Variants in TTBK2 observed in about 807,000 individuals in gnomAD.
TTBK2 encodes tau-tubulin kinase 2.
A neutral mutation model predicts 110.8 loss-of-function variants in TTBK2; 28 were observed. That is an observed-to-expected ratio of 0.25 (90% confidence interval 0.19 to 0.35). TTBK2 has a LOEUF of 0.35. Among genes scored for constraint, TTBK2 ranks in the 10% least tolerant of loss-of-function variants. TTBK2 has a pLI of 1.00. For missense variants in TTBK2, 1,369 were observed against 1,500.3 expected (o/e 0.91, Z 1.45); for synonymous variants, 532 against 527.3 (o/e 1.01, Z -0.12).
chr15:42,754,989 TAAGAGTG>T (rs2061926929), intron 13 of TTBK2, among the ~76,000 whole-genome samples: 1 of 87,790 alleles, frequency 1.1e-5, no homozygotes, highest in Non-Finnish European at 2.1e-5. Flanking sequence ...GCCTGGGCAA[TAAGAGTG>T]AAGCTCCATC....
chr15:42,840,677 G>C, intron 3 of TTBK2: 1 of 561,430 alleles, frequency 1.8e-6, no homozygotes, highest in Non-Finnish European at 3.2e-6. Flanking sequence ...ATATGAATGA[G>C]GAAACAAATG....
intron 3 of TTBK2, among the ~76,000 whole-genome samples, chr15:42,851,984 C>A (rs1015977831): frequency 6.6e-6 from 1 of 151,790 alleles, no homozygotes; most frequent in South Asian, 2.1e-4. Flanking sequence ...AAAGTATCAA[C>A]GAGCCTAACA....
intron 2 of TTBK2, among the ~76,000 whole-genome samples, chr15:42,877,133 G>C (rs1894847147): frequency 6.6e-6 from 1 of 152,076 alleles, no homozygotes; most frequent in Non-Finnish European, 1.5e-5. Context: ...TGTCCTTATA[G>C]ATACATTTCA....
At chr15:42,787,929 C>G (rs1357369382) in intron 10 of TTBK2, among the ~76,000 whole-genome samples, 1 of 152,064 alleles carries the variant, frequency 6.6e-6, no homozygotes, top group African/African-American at 2.4e-5. Flanking sequence ...ATTGTATAGC[C>G]TATTACGTGC....
intron 3 of TTBK2, among the ~76,000 whole-genome samples, chr15:42,846,550 A>C (rs1893474127): frequency 6.6e-6 from 1 of 152,194 alleles, no homozygotes; most frequent in Admixed American, 6.5e-5. Context: ...TGTGGAACCC[A>C]CTGACAGGAA....
intron 4 of TTBK2, among the ~76,000 whole-genome samples, chr15:42,832,773 C>A (rs1892815695): frequency 6.6e-6 from 1 of 152,184 alleles, no homozygotes; most frequent in South Asian, 2.1e-4. Context: ...TCCAGCGTAT[C>A]CACATGTTGT....
chr15:42,840,038 T>C (rs1893156383), intron 4 of TTBK2, among the ~76,000 whole-genome samples: 1 of 152,146 alleles, frequency 6.6e-6, no homozygotes, highest in Non-Finnish European at 1.5e-5. Context: ...TACTTTAGAA[T>C]ACAAATGGAA....
intron 4 of TTBK2, among the ~76,000 whole-genome samples, chr15:42,838,564 C>T (rs1893089541): frequency 6.6e-6 from 1 of 152,126 alleles, no homozygotes; most frequent in Admixed American, 6.6e-5. Flanking sequence ...ACCTGTAATC[C>T]TAACGCTTTG....
chr15:42,790,279 T>A (rs1451975093), intron 10 of TTBK2, among the ~76,000 whole-genome samples: 1 of 133,430 alleles, frequency 7.5e-6, no homozygotes, highest in Non-Finnish European at 1.6e-5. Context: ...CAAGATGTAT[T>A]CTTTGTCTAT....
chr15:42,865,513 T>TAAAAA (rs60116704), intron 3 of TTBK2, among the ~76,000 whole-genome samples: 33 of 109,272 alleles, frequency 3.0e-4, no homozygotes, highest in African/African-American at 1.1e-3. Context: ...ATAATAATAC[T>TAAAAA]AAAAAAAAAA....
At chr15:42,861,321 T>A (rs1244979371) in intron 3 of TTBK2, among the ~76,000 whole-genome samples, 1 of 152,176 alleles carries the variant, frequency 6.6e-6, no homozygotes, top group East Asian at 1.9e-4. Flanking sequence ...TATCTGCACA[T>A]GGAACATATT....
intron 1 of TTBK2, among the ~76,000 whole-genome samples, chr15:42,898,562 T>A (rs889548076): frequency 6.6e-6 from 1 of 151,598 alleles, no homozygotes; most frequent in African/African-American, 2.4e-5. Flanking sequence ...AGAGTCATAA[T>A]AACTTAAACT....
intron 1 of TTBK2, among the ~76,000 whole-genome samples, chr15:42,913,738 C>T (rs1358845251): frequency 6.6e-6 from 1 of 152,180 alleles, no homozygotes; most frequent in Non-Finnish European, 1.5e-5. Flanking sequence ...GGCTACCATA[C>T]TAGCAACACA....
rs150063729 is a variant in TTBK2 at position 42,782,820 on chromosome 15, C to A, written c.1197+599G>T. On this transcript the variant is annotated intron_variant, in intron 11 of 14. Coordinates refer to ENST00000267890, the MANE Select transcript of TTBK2 (RefSeq NM_173500.4). ...AACTAAGATCTTCCATGTCAAGCGC[C>A]ACTTCATTCTCTCGCATACACGGAT... Among the ~76,000 whole-genome samples the A allele has an allele frequency of 3.0e-3, 459 of 152,210 alleles. 1 individual carries two copies. The highest frequency in any genetic ancestry group is 4.8e-3 in the Non-Finnish European group (327 of 68,012).
At chr15:42,872,576 C>A in intron 3 of TTBK2, 35 bp downstream of exon 3, 1 of 1,607,272 alleles carries the variant, frequency 6.2e-7, no homozygotes, top group Non-Finnish European at 8.5e-7. Flanking sequence ...AATTAACATA[C>A]AAATCATAAA....
At chr15:42,900,149 C>T (rs553768454) in intron 1 of TTBK2, among the ~76,000 whole-genome samples, 2 of 151,452 alleles carry the variant, frequency 1.3e-5, no homozygotes, top group African/African-American at 2.4e-5. Flanking sequence ...CCCACCACCA[C>T]GCCCGGCCAA....
chr15:42,914,114 C>T (rs1005460705), intron 1 of TTBK2, among the ~76,000 whole-genome samples: 4 of 151,682 alleles, frequency 2.6e-5, no homozygotes, highest in African/African-American at 9.7e-5. Flanking sequence ...GTAGCTGGGA[C>T]TACAGGTGCG....
intron 14 of TTBK2, among the ~76,000 whole-genome samples, chr15:42,751,748 A>G (rs1304428610): frequency 6.6e-6 from 1 of 152,208 alleles, no homozygotes; most frequent in African/African-American, 2.4e-5. Flanking sequence ...TGTCTCAAAA[A>G]CAAACGAAAC....
intron 11 of TTBK2, among the ~76,000 whole-genome samples, chr15:42,781,206 A>G (rs1282679094): frequency 6.6e-6 from 1 of 152,148 alleles, no homozygotes; most frequent in Non-Finnish European, 1.5e-5. Context: ...AAAAAAAAAT[A>G]GTAGGAACAG....
Sources: allele counts gnomAD v4.1 joint callset (sites outside exome capture counted in the v4.1 genomes callset), GRCh38; gene constraint gnomAD v4.1.1; transcripts MANE v1.5; gene names NCBI Gene and HGNC (gene_info 2026-07-23, HGNC 2026-07-21).